SLC2A5: variants seen among roughly 807,000 people sequenced by gnomAD.
The protein encoded by SLC2A5 is solute carrier family 2 member 5, also known as solute carrier family 2, facilitated glucose transporter member 5.
A neutral mutation model predicts 50.3 loss-of-function variants in SLC2A5; 56 were observed. The observed-to-expected ratio is 1.11, with a 90% CI of 0.90 to 1.39. The LOEUF (loss-of-function observed/expected upper bound fraction) is 1.39, where lower values mean the gene tolerates loss of function less well. Ranked by LOEUF, SLC2A5 falls within the 40% of genes most tolerant of loss-of-function variation. SLC2A5 has a pLI of 0.00. For synonymous variants in SLC2A5, 269 were observed against 281.9 expected, an observed-to-expected ratio of 0.95 and a Z score of 0.46; for missense variants, 566 against 650.1, an observed-to-expected ratio of 0.87 and a Z score of 1.41.
Position 9,037,990 on chromosome 1 carries a change from G to A in SLC2A5, c.1209C>T (p.Phe403=), listed in dbSNP as rs1641179755. 6.2e-7 allele frequency: 1 copy of A among 1,613,830 alleles called. No homozygotes were observed. Among genetic ancestry groups the A allele is most frequent in the African/African-American group, 1.3e-5 (1 of 74,938 alleles). ...PIPALLITEI[F]LQSSRPSAFM... Reference sequence around the variant, plus strand: ...AGGCAGATGGCCGAGAGGACTGCAGGAAGATCTCAGTGATGAGCAGCGCGG... The same window carrying A: ...AGGCAGATGGCCGAGAGGACTGCAGAAAGATCTCAGTGATGAGCAGCGCGG... Residue 403 remains phenylalanine, a synonymous_variant, in exon 11 of 12, where the codon TTC becomes TTT. Transcript: ENST00000377424.
chr1:9,088,939 ATC>A (rs1257635104), upstream of SLC2A5, among the ~76,000 whole-genome samples: 1 of 152,200 alleles, frequency 6.6e-6, no homozygotes, highest in Non-Finnish European at 1.5e-5. Context: ...AGCATCTGGG[ATC>A]TTTCTCTGAA....
Position 9,078,078 on chromosome 1 carries a change from C to G in SLC2A5, c.-59+6936G>C, listed in dbSNP as rs974616636. Among the ~76,000 whole-genome samples, 3 of 152,178 alleles carry G rather than the reference C, an allele frequency of 2.0e-5. No homozygotes were observed. The East Asian group carries it at 5.8e-4, about 29-fold the overall frequency. On this transcript the variant is annotated intron_variant, in intron 2 of 5. Transcript: ENST00000464985. ...ACTAGTTTTCTGGGAAAGGGGTGGA[C>G]AGTTCCCCGGAGCTGAGGGCTCCTC...
chr1:9,081,734 G>A (rs1028422423), intron 2 of SLC2A5, among the ~76,000 whole-genome samples: 2 of 151,856 alleles, frequency 1.3e-5, no homozygotes, highest in South Asian at 4.1e-4. Context: ...AACAAAATGA[G>A]GTATCACTTC....
rs1422606817 is a variant in SLC2A5, at chr1:9,039,929, C to T, written c.756G>A (p.Gln252=). ...CCGCGGCCTTCTCTGCCTCATCCTCCTGCCGGATCTCGGCCACCTCCCTGT... is the reference window on the plus strand; with the variant it reads ...CCGCGGCCTTCTCTGCCTCATCCTCTTGCCGGATCTCGGCCACCTCCCTGT... ...SVDREVAEIR[Q]EDEAEKAAGF... is the part of the protein sequence containing the mutation. The change falls in exon 7 of 12, where the codon CAG becomes CAA. Residue 252 remains glutamine, a synonymous_variant. Coordinates refer to ENST00000377424, the MANE Select transcript of SLC2A5 (RefSeq NM_003039.3). 21 of 1,613,056 alleles carry T rather than the reference C, an allele frequency of 1.3e-5. No homozygotes were observed. The highest frequency in any genetic ancestry group is 1.7e-4 in the Middle Eastern group (1 of 6,060).
chr1:9,053,135 AT>A (rs1442403271), intron 3 of SLC2A5, among the ~76,000 whole-genome samples: 16 of 96,802 alleles, frequency 1.7e-4, no homozygotes, highest in South Asian at 5.3e-4. Flanking sequence ...TATTACATAT[AT>A]TTATATGTTA....
At chr1:9,047,038 A>G (rs1641453151) in intron 4 of SLC2A5, among the ~76,000 whole-genome samples, 1 of 151,812 alleles carries the variant, frequency 6.6e-6, no homozygotes, top group African/African-American at 2.4e-5. Context: ...CCCTTCCATC[A>G]TGATTGTAAG....
At position 9,087,321 on chromosome 1, in the gene SLC2A5, C is replaced by T. The variant is rs575762487; in HGVS notation, c.-188+1051G>A. Among the ~76,000 whole-genome samples the T allele has an allele frequency of 1.1e-4, 16 of 152,058 alleles. No homozygotes were observed. The East Asian group carries it at 3.1e-3, about 29-fold the overall frequency. On this transcript the variant is annotated intron_variant, in intron 1 of 5. Transcript: ENST00000464985. ...CCGGGTTCTCGCCATTCTCCTGCCTCAGCCTCCCAAGTAGCTGGGACTACA... is the reference window on the plus strand; with the variant it reads ...CCGGGTTCTCGCCATTCTCCTGCCTTAGCCTCCCAAGTAGCTGGGACTACA...
intron 1 of SLC2A5, among the ~76,000 whole-genome samples, chr1:9,067,127 C>T (rs1642103715): frequency 6.6e-6 from 1 of 152,184 alleles, no homozygotes; most frequent in African/African-American, 2.4e-5. Context: ...GTAGCCTTCG[C>T]CTGCCCCCGC....
chr1:9,067,640 A>G (rs1399074699), intron 1 of SLC2A5, among the ~76,000 whole-genome samples: 1 of 152,160 alleles, frequency 6.6e-6, no homozygotes, highest in Non-Finnish European at 1.5e-5. Context: ...GACAAACAAG[A>G]TGACCCAAGC....
At chr1:9,093,265 G>A (rs1642479433), upstream of SLC2A5, among the ~76,000 whole-genome samples, 1 of 152,050 alleles carries the variant, frequency 6.6e-6, no homozygotes, top group Non-Finnish European at 1.5e-5. Flanking sequence ...TACACCCACA[G>A]CAGCAAAACT....
chr1:9,077,976 A>G (rs1642312096), intron 2 of SLC2A5, among the ~76,000 whole-genome samples: 1 of 152,202 alleles, frequency 6.6e-6, no homozygotes, highest in African/African-American at 2.4e-5. Flanking sequence ...CCACAGGCAG[A>G]GCAGTGGCCT....
chr1:9,085,746 G>A (rs1642395199), intron 1 of SLC2A5, among the ~76,000 whole-genome samples: 1 of 152,138 alleles, frequency 6.6e-6, no homozygotes, highest in African/African-American at 2.4e-5. Context: ...GTTACACTGG[G>A]GTGGCAGTGG....
At position 9,084,295 on chromosome 1, in the gene SLC2A5, G is replaced by C. The variant is rs1339160495; in HGVS notation, c.-59+719C>G. Among the ~76,000 whole-genome samples, 5 of 152,300 alleles carry C rather than the reference G, an allele frequency of 3.3e-5. No individual in the cohort carries two copies. In the South Asian group the frequency reaches 1.0e-3, roughly 32 times the overall value. On this transcript the variant is annotated intron_variant, in intron 2 of 5. Coordinates refer to the SLC2A5 transcript ENST00000464985. ...ATCTTCATAAATATCCCACCCCTTG[G>C]TTAAAGAAACCCATAAAGGTGGAAG... is the stretch of plus-strand genomic sequence containing the variant.
chr1:9,039,306 C>T (rs1023452914), intron 8 of SLC2A5, among the ~76,000 whole-genome samples: 2 of 152,228 alleles, frequency 1.3e-5, no homozygotes, highest in African/African-American at 4.8e-5. Flanking sequence ...AGCCACCCAG[C>T]AGTGGGCGCT....
At position 9,057,512 on chromosome 1, in the gene SLC2A5, T is replaced by C; in HGVS notation, c.229A>G (p.Met77Val). The C allele has an allele frequency of 6.2e-7, 1 of 1,614,008 alleles. No individual in the cohort carries two copies. Among genetic ancestry groups the C allele is most frequent in the South Asian group, 1.1e-5 (1 of 91,070 alleles). ...CCGATAAACCCTCCAAATGGAAACA[T>C]GGACACGGTTACAGACCACAGCAAC... ...LTLLWSVTVS[M>V]FPFGGFIGSL... Residue 77 changes from methionine (M) to valine (V), a missense_variant, in exon 3 of 12, where the codon ATG (methionine) becomes GTG (valine). Transcript: ENST00000377424.
rs1440094038 is a variant in SLC2A5 at position 9,040,166 on chromosome 1, T to C, written c.595A>G (p.Thr199Ala). 6.4e-7 allele frequency: 1 copy of C among 1,555,130 alleles called. No homozygotes were observed. The highest frequency in any genetic ancestry group is 8.7e-7 in the Non-Finnish European group (1 of 1,150,590). Residue 199 changes from threonine to alanine, a missense_variant, in exon 6 of 12, where the codon ACC becomes GCC. By Grantham distance (58) the Thr-to-Ala change is moderately conservative. Transcript: ENST00000377424. This position sits in a 1 kb window ranked among gnomAD's most constrained non-coding sequence, Gnocchi z 4.3. ...VDGWPILLGL[T>A]GVPAALQLLL... Reference sequence around the variant, plus strand: ...AGCTGCAGCGCCGCGGGGACCCCGGTCAGCCCCAGCAGGATCGGCCAGCCT... The same window carrying C: ...AGCTGCAGCGCCGCGGGGACCCCGGCCAGCCCCAGCAGGATCGGCCAGCCT...
intron 4 of SLC2A5, among the ~76,000 whole-genome samples, chr1:9,042,205 C>T (rs1277034255): frequency 6.6e-6 from 1 of 152,174 alleles, no homozygotes; most frequent in Admixed American, 6.5e-5. Flanking sequence ...CCTTCCCGCT[C>T]CCTGGCCTGA....
chr1:9,081,677 T>TGAAAA (rs1642355149), intron 2 of SLC2A5, among the ~76,000 whole-genome samples: 1 of 152,030 alleles, frequency 6.6e-6, no homozygotes, highest in Non-Finnish European at 1.5e-5. Context: ...AAGAAGCACA[T>TGAAAA]GAAAAGATAC....
Position 9,069,543 on chromosome 1 carries a change from T to C in SLC2A5, c.-7A>G. 1.2e-6 allele frequency: 2 copies of C among 1,614,094 alleles called. No homozygotes were observed. Among genetic ancestry groups the C allele is most frequent in the Non-Finnish European group, 1.7e-6 (2 of 1,180,010 alleles). ...TCTGATCCTGTTGCTCCATGCTTGCTCTGGAAGGGCAGAGTGCCGCTCACC... is the reference window on the plus strand; with the variant it reads ...TCTGATCCTGTTGCTCCATGCTTGCCCTGGAAGGGCAGAGTGCCGCTCACC... On this transcript the variant is annotated 5_prime_UTR_variant, in exon 1 of 12. Transcript: ENST00000377424.
Sources: gnomAD v4.1 joint callset for allele counts (sites outside exome capture counted in the v4.1 genomes callset) on GRCh38, gnomAD v4.1.1 for gene constraint, Gnocchi (gnomAD v3.1) non-coding constraint, MANE v1.5 for transcripts, NCBI Gene and HGNC (gene_info 2026-07-23, HGNC 2026-07-21) for gene names.